NUP160: variants seen among roughly 807,000 people sequenced by gnomAD.
NUP160 encodes the protein nucleoporin 160, also known as nuclear pore complex protein Nup160.
Under a neutral mutation model 196.9 loss-of-function variants are expected in NUP160, and 94 were observed. The observed-to-expected ratio is 0.48, with a 90% CI of 0.40 to 0.57. NUP160 has a LOEUF of 0.57. NUP160 is among the 20% of genes least tolerant of loss of function. The pLI, the probability that NUP160 is intolerant of heterozygous loss-of-function variation, is 0.00. For missense variants in NUP160, 1,638 were observed against 1,748.3 expected (o/e 0.94, Z 1.13); for synonymous variants, 605 against 619.7 (o/e 0.98, Z 0.35).
chr11:47,827,789 C>G (rs1852001053), intron 7 of NUP160, among the ~76,000 whole-genome samples: 1 of 151,608 alleles, frequency 6.6e-6, no homozygotes, highest in South Asian at 2.1e-4. Flanking sequence ...GTACCCACCT[C>G]CCTCCAAAAA....
chr11:47,829,829 A>G (rs1852039793), intron 7 of NUP160, among the ~76,000 whole-genome samples: 1 of 152,216 alleles, frequency 6.6e-6, no homozygotes, highest in Non-Finnish European at 1.5e-5. Flanking sequence ...CAAGACGAAG[A>G]CACTAAAAGC....
intron 14 of NUP160, 27 bp from the exon 15 acceptor site, chr11:47,813,074 A>C: frequency 1.3e-6 from 2 of 1,501,728 alleles, no homozygotes; most frequent in Non-Finnish European, 1.8e-6. Flanking sequence ...GTTAACATTT[A>C]TGTCTTAAGC....
chr11:47,819,644 T>C (rs1186208569), intron 9 of NUP160, among the ~76,000 whole-genome samples, 186 bp from the exon 10 acceptor site: 3 of 152,198 alleles, frequency 2.0e-5, no homozygotes, highest in Non-Finnish European at 4.4e-5. Context: ...AGCCTAGTTT[T>C]TATACAAGTT....
At chr11:47,801,679 AT>A (rs1478426514) in intron 23 of NUP160, 131 bp downstream of exon 23, 98 of 877,168 alleles carry the variant, frequency 1.1e-4, no homozygotes, top group Non-Finnish European at 1.3e-4. Flanking sequence ...AGGCAAATTC[AT>A]TTTTTTTAAA....
chr11:47,804,340 A>G (rs1057046580), intron 21 of NUP160: 2 of 493,446 alleles, frequency 4.1e-6, no homozygotes, highest in Non-Finnish European at 7.1e-6. Context: ...AACCATGCCC[A>G]ACCCTATTTA....
intron 22 of NUP160, 81 bp from the exon 23 acceptor site, chr11:47,802,011 G>A: frequency 2.9e-6 from 4 of 1,374,842 alleles, no homozygotes; most frequent in Admixed American, 2.1e-5. Flanking sequence ...ACATGTAAGG[G>A]AAAGCCAAAA....
At chr11:47,840,292 A>G (rs542539045) in intron 3 of NUP160, 86 bp downstream of exon 3, 1 of 1,229,604 alleles carries the variant, frequency 8.1e-7, no homozygotes, top group East Asian at 2.4e-5. Flanking sequence ...AATTTCCTTC[A>G]ATTCCAAAAG....
intron 32 of NUP160, among the ~76,000 whole-genome samples, chr11:47,786,226 T>G (rs2097664443): frequency 6.6e-6 from 1 of 152,114 alleles, no homozygotes; most frequent in African/African-American, 2.4e-5. Context: ...AGTAAGTCTT[T>G]GAGGAGGGGG....
At chr11:47,813,824 C>A (rs1016624840) in intron 13 of NUP160, among the ~76,000 whole-genome samples, 4 of 151,904 alleles carry the variant, frequency 2.6e-5, no homozygotes, top group Non-Finnish European at 5.9e-5. Flanking sequence ...GTAATCCCAG[C>A]ACTTTGGGAG....
exon 3 of NUP160, chr11:47,840,569 A>G: frequency 1.2e-6 from 2 of 1,609,006 alleles, no homozygotes; most frequent in Non-Finnish European, 1.7e-6. Context: ...ATCAGCTCCA[A>G]TGTATCTCCA....
At chr11:47,848,302 G>A (rs765692147) in exon 1 of NUP160, 10 of 1,613,706 alleles carry the variant, frequency 6.2e-6, no homozygotes, top group South Asian at 4.4e-5. Context: ...CCGTTCCAGG[G>A]CTCCCGCCGC....
intron 1 of NUP160, 112 bp downstream of exon 1, chr11:47,848,107 G>A: frequency 7.4e-7 from 1 of 1,349,998 alleles, no homozygotes; most frequent in Non-Finnish European, 1.1e-6. Flanking sequence ...TGATCCCGGG[G>A]CTAGAGGCAT....
rs528897707 is a variant in NUP160 at position 47,818,164 on chromosome 11, C to T, written c.1363-40G>A. 1.2e-4 allele frequency: 162 copies of T among 1,405,426 alleles called. 2 individuals are homozygous for T. The South Asian group carries it at 1.8e-3, about 16-fold the overall frequency. The allele number at this position is 1,405,426 out of a possible 1,614,324, so 87.1% of individuals were successfully genotyped here. ...AAACAAAAGTTACTATTGTCCTAAA[C>T]AAAATTTGGAATTCAACACATAACA... On this transcript the variant is annotated intron_variant, in intron 10 of 35. Transcript: ENST00000378460.
exon 7 of NUP160, chr11:47,835,790 A>G (rs1270880971): frequency 1.3e-6 from 2 of 1,591,616 alleles, no homozygotes; most frequent in African/African-American, 1.3e-5. Flanking sequence ...CATGTCAGCT[A>G]CCATTAGGCA....
At chr11:47,827,723 C>T (rs4752870) in intron 7 of NUP160, among the ~76,000 whole-genome samples, 151,292 of 152,042 alleles carry the variant, frequency 1, 75,279 homozygotes, top group Middle Eastern at 1. Context: ...AAAAAAGATG[C>T]AGGTTCTTGC....
intron 17 of NUP160, among the ~76,000 whole-genome samples, chr11:47,810,054 A>C (rs188070473): frequency 6.6e-6 from 1 of 152,134 alleles, no homozygotes; most frequent in Non-Finnish European, 1.5e-5. Flanking sequence ...GACAAAAGTT[A>C]TAATTTAAAA....
intron 7 of NUP160, among the ~76,000 whole-genome samples, chr11:47,823,049 T>C (rs1180008008): frequency 6.6e-6 from 1 of 152,250 alleles, no homozygotes; most frequent in East Asian, 1.9e-4. Flanking sequence ...TGTGTCTTTA[T>C]AGCAGCATGA....
At chr11:47,788,084 T>TA (rs2097665704) in intron 31 of NUP160, 98 bp downstream of exon 31, 1 of 982,110 alleles carries the variant, frequency 1.0e-6, no homozygotes, top group Non-Finnish European at 1.5e-6. Flanking sequence ...TCATAAATGA[T>TA]ATATGGGCTA....
chr11:47,834,046 G>C (rs1852124626), intron 7 of NUP160, among the ~76,000 whole-genome samples: 1 of 152,222 alleles, frequency 6.6e-6, no homozygotes, highest in Non-Finnish European at 1.5e-5. Context: ...ACTGGACATG[G>C]AGGTGAGGTG....
Sources: gnomAD v4.1 joint callset for allele counts (sites outside exome capture counted in the v4.1 genomes callset) on GRCh38, gnomAD v4.1.1 for gene constraint, MANE v1.5 for transcripts, NCBI Gene and HGNC (gene_info 2026-07-23, HGNC 2026-07-21) for gene names.